Variants in FANCB observed in about 807,000 individuals in gnomAD.
FANCB encodes the protein FA complementation group B, also known as Fanconi anemia group B protein.
In FANCB, 5 loss-of-function variants were observed where a neutral mutation model predicts 38.9. That is an observed-to-expected ratio of 0.13 (90% CI 0.07 to 0.27). FANCB has a LOEUF of 0.27. FANCB is among the 10% of genes least tolerant of loss of function. The probability of loss-of-function intolerance (pLI) is 1.00; values close to 1 mark genes in which losing one functional copy is unlikely to be tolerated. For synonymous variants in FANCB, 236 were observed against 215.4 expected, an observed-to-expected ratio of 1.10 and a Z score of -0.84; for missense variants, 573 against 602.7, an observed-to-expected ratio of 0.95 and a Z score of 0.52.
chrX:14,834,697 G>A (rs2092336552), downstream of FANCB: 5 of 721,274 alleles, frequency 6.9e-6, no homozygotes, highest in Non-Finnish European at 1.1e-5. Context: ...TTTTATCTTG[G>A]TGTTGATGAT....
chrX:14,853,274 T>C (rs2092409665), intron 5 of FANCB, 107 bp from the exon 6 acceptor site: 1 of 733,953 alleles, frequency 1.4e-6, no homozygotes. Context: ...TCAATTCATT[T>C]TTCTATAGAA....
At chrX:14,708,800 G>A in the FANCB span, among the ~76,000 whole-genome samples, 1 of 111,552 alleles carries the variant, frequency 9.0e-6, no homozygotes, top group Non-Finnish European at 1.9e-5. Flanking sequence ...GCCGGGCACG[G>A]TGGCTCATGC....
At chrX:14,868,152 G>A (rs1200182976) in intron 2 of FANCB, among the ~76,000 whole-genome samples, 1 of 111,578 alleles carries the variant, frequency 9.0e-6, no homozygotes, top group African/African-American at 3.3e-5. Flanking sequence ...CAGTATGGAA[G>A]TTCCTCAAAA....
At chrX:14,690,659 TTCTCTCTCTCTC>T in the FANCB span, 1 of 609,563 alleles carries the variant, frequency 1.6e-6, no homozygotes, top group African/African-American at 2.4e-5. Context: ...TAGTCTTTCT[TTCTCTCTCTCTC>T]TCTCTCTGTG....
intron 6 of FANCB, among the ~76,000 whole-genome samples, chrX:14,850,966 A>G (rs760300936): frequency 9.0e-6 from 1 of 111,594 alleles, no homozygotes; most frequent in East Asian, 2.8e-4. Context: ...TTTGAAAAAA[A>G]AAAGTCTGAT....
chrX:14,866,540 T>C (rs1337730664), intron 2 of FANCB, among the ~76,000 whole-genome samples: 1 of 111,872 alleles, frequency 8.9e-6, no homozygotes, highest in Non-Finnish European at 1.9e-5. Context: ...CTCTGGAGTC[T>C]ACACTTTTAA....
the FANCB span, among the ~76,000 whole-genome samples, chrX:14,758,605 A>T: frequency 8.9e-6 from 1 of 111,782 alleles, no homozygotes; most frequent in African/African-American, 3.3e-5. Flanking sequence ...CTGGGCAGCT[A>T]GATCCAAAAG....
At chrX:14,836,279 T>G (rs982829484) in intron 10 of FANCB, 3 of 111,807 alleles carry the variant, frequency 2.7e-5, no homozygotes, top group African/African-American at 9.7e-5. Context: ...GAGAGGAAAT[T>G]AACGCTCAAT....
the FANCB span, among the ~76,000 whole-genome samples, chrX:14,818,428 C>A: frequency 3.8e-5 from 4 of 106,362 alleles, no homozygotes; most frequent in Non-Finnish European, 5.8e-5. Flanking sequence ...TTAGAAAACA[C>A]TGGCGGGGGG....
chrX:14,862,616 G>A (rs1371758254), intron 3 of FANCB, among the ~76,000 whole-genome samples: 7 of 111,962 alleles, frequency 6.3e-5, no homozygotes, highest in African/African-American at 2.0e-4. Context: ...TTGAGTAAGT[G>A]TAAGTAACTG....
At chrX:14,810,625 A>G in the FANCB span, among the ~76,000 whole-genome samples, 2 of 111,557 alleles carry the variant, frequency 1.8e-5, no homozygotes, top group Admixed American at 1.9e-4. Context: ...AAAAAAGAAT[A>G]AAAAGAAACG....
At chrX:14,821,548 T>C in the FANCB span, among the ~76,000 whole-genome samples, 1 of 112,261 alleles carries the variant, frequency 8.9e-6, no homozygotes, top group Non-Finnish European at 1.9e-5. Flanking sequence ...TGACATGACA[T>C]AGACCCTAAC....
intron 1 of FANCB, among the ~76,000 whole-genome samples, chrX:14,870,429 G>GGGGTGGCGGTGCGGGGCA (rs2092490405): frequency 4.5e-5 from 5 of 110,275 alleles, no homozygotes; most frequent in African/African-American, 9.9e-5. Flanking sequence ...GAAGTAACTA[G>GGGGTGGCGGTGCGGGGCA]GGGTGGCGGT....
the FANCB span, among the ~76,000 whole-genome samples, chrX:14,766,352 T>G: frequency 8.9e-6 from 1 of 112,065 alleles, no homozygotes; most frequent in Admixed American, 9.5e-5. Flanking sequence ...CCAGGTGTTT[T>G]GGGAAAAACT....
chrX:14,691,320 TGTGTGC>T, the FANCB span, among the ~76,000 whole-genome samples: 166 of 60,980 alleles, frequency 2.7e-3, no homozygotes, highest in African/African-American at 9.8e-3. Flanking sequence ...TGTGTGTGTG[TGTGTGC>T]GCGCGTGCGT....
At chrX:14,844,804 A>C in intron 8 of FANCB, 52 bp downstream of exon 8, 1 of 1,160,267 alleles carries the variant, frequency 8.6e-7, no homozygotes, top group South Asian at 1.8e-5. Context: ...CAGAATTCTT[A>C]AAATTTTCTA....
At chrX:14,794,108 C>G in the FANCB span, among the ~76,000 whole-genome samples, 1 of 111,599 alleles carries the variant, frequency 9.0e-6, no homozygotes, top group Non-Finnish European at 1.9e-5. Context: ...CAGATACTTA[C>G]ATACTTTTAC....
chrX:14,867,404 A>G (rs1489660901), intron 2 of FANCB, among the ~76,000 whole-genome samples: 1 of 111,379 alleles, frequency 9.0e-6, no homozygotes, highest in Non-Finnish European at 1.9e-5. Flanking sequence ...AATGGAACAC[A>G]ATGGAGAGGC....
chrX:14,862,481 T>C (rs1276755340), intron 3 of FANCB: 1 of 111,611 alleles, frequency 9.0e-6, no homozygotes, highest in African/African-American at 3.3e-5. Flanking sequence ...TCTCCTGCCT[T>C]GGGTAACATG....
Sources: gnomAD v4.1 joint callset for allele counts (sites outside exome capture counted in the v4.1 genomes callset) on GRCh38, gnomAD v4.1.1 for gene constraint, MANE v1.5 for transcripts, NCBI Gene and HGNC (gene_info 2026-07-23, HGNC 2026-07-21) for gene names.